The following TANC1 variants were observed in gnomAD, a reference collection of about 807,000 sequenced individuals.
TANC1 encodes protein TANC1.
Under a neutral mutation model 149.7 loss-of-function variants are expected in TANC1, and 77 were observed. The ratio of observed to expected loss-of-function variants is 0.51; its 90% CI spans 0.43 to 0.62. TANC1 has a LOEUF of 0.62. Among genes scored for constraint, TANC1 ranks in the 20% least tolerant of loss-of-function variants. The probability of loss-of-function intolerance (pLI) is 0.00; values close to 1 mark genes in which losing one functional copy is unlikely to be tolerated. For synonymous variants in TANC1, 854 were observed against 925.0 expected (o/e 0.92, Z 1.39); for missense variants, 1,985 against 2,321.8 (o/e 0.85, Z 2.98).
intron 19 of TANC1, among the ~76,000 whole-genome samples, chr2:159,206,319 AG>A (rs781354656): frequency 5.9e-5 from 9 of 152,200 alleles, no homozygotes; most frequent in Middle Eastern, 3.4e-3. Context: ...ATCAGAACTG[AG>A]GGGGCTGGGT....
chr2:159,196,851 G>A, intron 18 of TANC1, 58 bp downstream of exon 18: 1 of 1,495,986 alleles, frequency 6.7e-7, no homozygotes, highest in Non-Finnish European at 9.0e-7. Flanking sequence ...CAGCAAGTCA[G>A]TTGACACACT....
intron 22 of TANC1, among the ~76,000 whole-genome samples, chr2:159,221,508 C>A (rs927946475): frequency 2.0e-5 from 3 of 152,174 alleles, no homozygotes; most frequent in Admixed American, 6.5e-5. Flanking sequence ...CGCAGGTCCC[C>A]CTGTCTCCCA....
In TANC1 at chr2:159,232,434, G is replaced by C. The variant is rs1243569493; in HGVS notation, c.*1422G>C. The C allele has an allele frequency of 2.0e-5, 3 of 152,606 alleles. No individual in the cohort carries two copies. Among genetic ancestry groups the C allele is most frequent in the Non-Finnish European group, 4.4e-5 (3 of 68,012 alleles). The allele number at this position is 152,606 out of a possible 1,614,324, so 9.5% of individuals were successfully genotyped here. A position where few individuals can be genotyped will look rare whatever the true frequency, so the allele number is the denominator to read the frequency against. On this transcript the variant is annotated 3_prime_UTR_variant, in exon 27 of 27. Transcript: ENST00000263635. ...TTCCTGTGAACATCATTATGGTTTT[G>C]TACAAATAGGAACCTCTGATGTCAT... is the stretch of plus-strand genomic sequence containing the variant.
Position 159,170,385 on chromosome 2 carries a change from C to T in TANC1, c.1070-139C>T, listed in dbSNP as rs548773487. The T allele has an allele frequency of 5.1e-5, 38 of 752,332 alleles. 2 individuals carry two copies. The highest frequency in any genetic ancestry group is 4.0e-4 in the South Asian group (20 of 50,166). The allele number at this position is 752,332 out of a possible 1,614,324, so 46.6% of individuals were successfully genotyped here. On this transcript the variant is annotated intron_variant, in intron 9 of 26. Transcript: ENST00000263635. ...AGGTATTACAGAAGTATTAATAGAA[C>T]GAGATTGGAAATGCTTACAGACAGA...
At chr2:159,146,439 T>TC (rs1376080912) in intron 5 of TANC1, among the ~76,000 whole-genome samples, 1 of 151,770 alleles carries the variant, frequency 6.6e-6, no homozygotes, top group Non-Finnish European at 1.5e-5. Flanking sequence ...TGTCCATTCA[T>TC]CCCAACCCCG....
chr2:159,151,744 G>T (rs1443407798), intron 7 of TANC1, among the ~76,000 whole-genome samples: 4 of 152,082 alleles, frequency 2.6e-5, no homozygotes, highest in Non-Finnish European at 4.4e-5. Flanking sequence ...TTCTAGAGGG[G>T]CCCCTCAGCT....
At chr2:159,005,422 C>T (rs1017823423) in intron 2 of TANC1, among the ~76,000 whole-genome samples, 4 of 152,066 alleles carry the variant, frequency 2.6e-5, no homozygotes, top group Non-Finnish European at 5.9e-5. Flanking sequence ...GAAACCCCAT[C>T]TCTACAAAAA....
intron 19 of TANC1, among the ~76,000 whole-genome samples, chr2:159,212,257 A>G (rs1428862880): frequency 1.3e-5 from 2 of 152,184 alleles, no homozygotes; most frequent in Admixed American, 6.5e-5. Context: ...CGTGGAGCCC[A>G]TGCGTCTTTG....
chr2:159,096,756 A>G (rs2046182330), intron 3 of TANC1, among the ~76,000 whole-genome samples: 1 of 152,156 alleles, frequency 6.6e-6, no homozygotes, highest in Admixed American at 6.5e-5. Flanking sequence ...AGAGCAGGTG[A>G]CCGGGATGAG....
At chr2:159,140,972 C>T (rs756095366) in intron 5 of TANC1, among the ~76,000 whole-genome samples, 10 of 151,954 alleles carry the variant, frequency 6.6e-5, no homozygotes, top group Non-Finnish European at 1.2e-4. Context: ...ATTACAAGTG[C>T]GAACCACTAT....
At chr2:158,980,001 A>C (rs542979623) in intron 1 of TANC1, among the ~76,000 whole-genome samples, 2 of 152,322 alleles carry the variant, frequency 1.3e-5, no homozygotes, top group South Asian at 4.1e-4. Flanking sequence ...CATCCATGTA[A>C]CTTAAGAGGG....
At chr2:159,097,955 C>T in intron 4 of TANC1, 121 bp downstream of exon 4, 1 of 782,636 alleles carries the variant, frequency 1.3e-6, no homozygotes, top group Non-Finnish European at 2.0e-6. Flanking sequence ...GCAGTATCTT[C>T]TAGAAGAAAT....
In TANC1 at chr2:159,024,580, G is replaced by A. The variant is rs191030423; in HGVS notation, c.-16+23391G>A. Among the ~76,000 whole-genome samples, 43 of 152,052 alleles carry A rather than the reference G, an allele frequency of 2.8e-4. 2 individuals are homozygous for A. In the East Asian group the frequency reaches 7.3e-3, roughly 26 times the overall value. ...AGCCTGGCCAATATGGTGAAACCCC[G>A]TCTCTACTAAAAATATAAAAATTAG... On this transcript the variant is annotated intron_variant, in intron 2 of 26. Transcript: ENST00000263635.
intron 3 of TANC1, among the ~76,000 whole-genome samples, chr2:159,075,564 G>A (rs961084254): frequency 1.3e-5 from 2 of 151,970 alleles, no homozygotes; most frequent in Non-Finnish European, 2.9e-5. Context: ...TGACAGAGTA[G>A]TAAGACCTTG....
chr2:159,050,188 G>T (rs923971191), intron 2 of TANC1, among the ~76,000 whole-genome samples: 2 of 152,136 alleles, frequency 1.3e-5, no homozygotes, highest in African/African-American at 4.8e-5. Flanking sequence ...GCTCATTGCA[G>T]CCTCGAACAC....
intron 3 of TANC1, among the ~76,000 whole-genome samples, chr2:159,083,562 G>A (rs1322033951): frequency 6.6e-6 from 1 of 152,114 alleles, no homozygotes; most frequent in African/African-American, 2.4e-5. Flanking sequence ...TACTTATGTT[G>A]ATTTCCTTGT....
chr2:159,001,980 CGGATGGACA>C lies in TANC1; in HGVS notation c.-16+795_-16+803del, dbSNP rs1559119057. Among the ~76,000 whole-genome samples, 3 of 152,118 alleles carry C rather than the reference CGGATGGACA, an allele frequency of 2.0e-5. No individual in the cohort carries two copies. The highest frequency in any genetic ancestry group is 2.1e-4 in the South Asian group (1 of 4,814). On this transcript the variant is annotated intron_variant, in intron 2 of 26. Coordinates refer to ENST00000263635, the MANE Select transcript of TANC1 (RefSeq NM_033394.3). The surrounding 1 kb of genome is among the most constrained non-coding windows in gnomAD (Gnocchi z 4.3). ...CAGCTAGACCAAAGGAATGAGAAGT[CGGATGGACA>C]GGACCATCCTCCAGTGTCCAGACTG...
intron 3 of TANC1, among the ~76,000 whole-genome samples, chr2:159,080,766 G>A (rs1314305019): frequency 6.6e-6 from 1 of 152,170 alleles, no homozygotes; most frequent in Admixed American, 6.5e-5. Flanking sequence ...AGGTGGAAGA[G>A]GCTAAGAGTG....
chr2:159,049,729 A>AG (rs2041331787), intron 2 of TANC1, among the ~76,000 whole-genome samples: 1 of 152,164 alleles, frequency 6.6e-6, no homozygotes, highest in Admixed American at 6.5e-5. Context: ...CATGAGAAAG[A>AG]GGAGGGGCTT....
Sources: allele counts gnomAD v4.1 joint callset (sites outside exome capture counted in the v4.1 genomes callset), GRCh38; gene constraint gnomAD v4.1.1; non-coding constraint Gnocchi (gnomAD v3.1); transcripts MANE v1.5; gene names NCBI Gene and HGNC (gene_info 2026-07-23, HGNC 2026-07-21).